Variants in UNC13C observed in about 807,000 individuals in gnomAD.
UNC13C encodes the protein protein unc-13 homolog C.
In UNC13C, 174 loss-of-function variants were observed where a neutral mutation model predicts 245.4. That is an observed-to-expected ratio of 0.71 (90% CI 0.63 to 0.80). UNC13C has a LOEUF of 0.80. UNC13C is among the 30% of genes least tolerant of loss of function. The pLI is 0.00. For missense variants in UNC13C, 2,829 were observed against 2,602.9 expected (o/e 1.09, Z -1.89); for synonymous variants, 992 against 895.1 (o/e 1.11, Z -1.93).
intron 2 of UNC13C, among the ~76,000 whole-genome samples, chr15:54,134,434 GTGTGCGTT>G (rs1301602157): frequency 1.5e-5 from 2 of 129,182 alleles, no homozygotes; most frequent in Admixed American, 7.5e-5. Flanking sequence ...GTGTGTGTGT[GTGTGCGTT>G]TGTGTGTGTA....
intron 19 of UNC13C, among the ~76,000 whole-genome samples, chr15:54,470,768 G>A (rs1892420830): frequency 6.6e-6 from 1 of 150,474 alleles, no homozygotes; most frequent in Non-Finnish European, 1.5e-5. Context: ...GATCTTTGTT[G>A]TTTCCTTCAT....
the UNC13C span, among the ~76,000 whole-genome samples, chr15:53,955,266 TACACAC>T: frequency 0.16 from 23,586 of 149,408 alleles, 2,027 homozygotes; most frequent in Middle Eastern, 0.24. Flanking sequence ...GACTTTTTCT[TACACAC>T]ACACACACAC....
intron 29 of UNC13C, among the ~76,000 whole-genome samples, chr15:54,558,796 A>T (rs549550120): frequency 6.6e-6 from 1 of 152,108 alleles, no homozygotes; most frequent in Admixed American, 6.6e-5. Context: ...AAAGTAGAAA[A>T]GTGGCAGCTA....
chr15:54,008,729 A>T (rs1194062616), intron 1 of UNC13C, among the ~76,000 whole-genome samples: 1 of 152,136 alleles, frequency 6.6e-6, no homozygotes, highest in Non-Finnish European at 1.5e-5. Flanking sequence ...AGGAGTAGGT[A>T]TGTGGGTTTG....
intron 17 of UNC13C, among the ~76,000 whole-genome samples, chr15:54,369,160 G>C (rs2039431509): frequency 6.6e-6 from 1 of 151,482 alleles, no homozygotes; most frequent in African/African-American, 2.4e-5. Flanking sequence ...GTAGATTATA[G>C]AAATAGACCA....
At chr15:53,941,276 C>A in the UNC13C span, among the ~76,000 whole-genome samples, 3 of 152,120 alleles carry the variant, frequency 2.0e-5, no homozygotes, top group Non-Finnish European at 2.9e-5. Context: ...GGACTCCCTC[C>A]TTACATAGTA....
intron 30 of UNC13C, among the ~76,000 whole-genome samples, chr15:54,597,270 A>T (rs1166839830): frequency 6.6e-6 from 1 of 152,148 alleles, no homozygotes; most frequent in Admixed American, 6.5e-5. Context: ...ATCATTCCAC[A>T]GCCTGGGGGT....
intron 2 of UNC13C, among the ~76,000 whole-genome samples, chr15:54,069,122 A>G (rs1280182314): frequency 6.6e-6 from 1 of 152,198 alleles, no homozygotes; most frequent in Admixed American, 6.5e-5. Context: ...ACAGAAACAG[A>G]TCTAAGATCT....
intron 19 of UNC13C, among the ~76,000 whole-genome samples, chr15:54,450,595 A>T (rs1337479974): frequency 6.6e-6 from 1 of 152,234 alleles, no homozygotes; most frequent in Non-Finnish European, 1.5e-5. Context: ...ATCTCCTGGC[A>T]TGCCGTTTGT....
At chr15:53,928,271 C>T in the UNC13C span, among the ~76,000 whole-genome samples, 5 of 152,162 alleles carry the variant, frequency 3.3e-5, no homozygotes, top group Non-Finnish European at 4.4e-5. Context: ...CTAAAAGTAT[C>T]CCTTATGGGA....
chr15:54,503,298 C>T (rs1894312711), intron 22 of UNC13C, among the ~76,000 whole-genome samples: 1 of 152,130 alleles, frequency 6.6e-6, no homozygotes, highest in Non-Finnish European at 1.5e-5. Context: ...ATTTAAAAAT[C>T]TCTTGCCAGC....
intron 4 of UNC13C, among the ~76,000 whole-genome samples, chr15:54,218,470 G>A (rs2035111136): frequency 6.6e-6 from 1 of 151,954 alleles, no homozygotes; most frequent in Non-Finnish European, 1.5e-5. Flanking sequence ...TACCAGTAGA[G>A]GGAATGGTGG....
intron 11 of UNC13C, among the ~76,000 whole-genome samples, chr15:54,294,556 G>A (rs1283117059): frequency 6.6e-6 from 1 of 152,050 alleles, no homozygotes; most frequent in East Asian, 1.9e-4. Flanking sequence ...TCTTGATGAA[G>A]ATACTGAGAA....
In UNC13C at chr15:54,179,689, A is replaced by G. The variant is rs181028055; in HGVS notation, c.3071+36005A>G. ...TGGAGTGCCAAAATGGAGAGCAAAG[A>G]CAACAGGAAATCAATATTTAAAAAC... On this transcript the variant is annotated intron_variant, in intron 4 of 32. Coordinates refer to ENST00000260323, the MANE Select transcript of UNC13C (RefSeq NM_001080534.3). Among the ~76,000 whole-genome samples the G allele has an allele frequency of 5.9e-5, 9 of 152,242 alleles. No homozygotes were observed. In the East Asian group the frequency reaches 1.7e-3, roughly 29 times the overall value.
chr15:54,603,569 T>A (rs1899573251), intron 30 of UNC13C, among the ~76,000 whole-genome samples: 2 of 151,904 alleles, frequency 1.3e-5, no homozygotes, highest in South Asian at 4.1e-4. Flanking sequence ...ATAGGAAAAA[T>A]ATGAAGAACT....
chr15:54,561,762 G>A (rs1363588889), intron 29 of UNC13C, among the ~76,000 whole-genome samples: 5 of 151,978 alleles, frequency 3.3e-5, no homozygotes, highest in Admixed American at 6.6e-5. Context: ...GAATCTTAAG[G>A]AAATGCACAA....
chr15:54,091,165 G>T (rs1899552715), intron 2 of UNC13C, among the ~76,000 whole-genome samples: 1 of 152,080 alleles, frequency 6.6e-6, no homozygotes, highest in Non-Finnish European at 1.5e-5. Flanking sequence ...AGGCTAGTTT[G>T]ATCCTTCTGC....
chr15:54,339,047 T>A (rs2038663095), intron 17 of UNC13C, among the ~76,000 whole-genome samples: 1 of 152,104 alleles, frequency 6.6e-6, no homozygotes, highest in Non-Finnish European at 1.5e-5. Flanking sequence ...TTTTTATATT[T>A]AATAGAGACG....
chr15:53,941,231 G>A, the UNC13C span, among the ~76,000 whole-genome samples: 1 of 152,132 alleles, frequency 6.6e-6, no homozygotes, highest in African/African-American at 2.4e-5. Flanking sequence ...ATGGTGCTGG[G>A]AGAACTGGCT....
Sources: gnomAD v4.1 joint callset for allele counts (sites outside exome capture counted in the v4.1 genomes callset) on GRCh38, gnomAD v4.1.1 for gene constraint, MANE v1.5 for transcripts, NCBI Gene and HGNC (gene_info 2026-07-23, HGNC 2026-07-21) for gene names.